BAZ2B: variants seen among roughly 807,000 people sequenced by gnomAD.
BAZ2B encodes the protein bromodomain adjacent to zinc finger domain protein 2B.
BAZ2B carries 91 observed loss-of-function variants against 246.0 expected under a neutral mutation model. The observed-to-expected ratio is 0.37, with a 90% CI of 0.31 to 0.44. The LOEUF is 0.44. Ranked by LOEUF, BAZ2B falls within the 20% of genes least tolerant of loss-of-function variation. The probability of loss-of-function intolerance (pLI) is 1.00; values close to 1 mark genes in which losing one functional copy is unlikely to be tolerated. For missense variants in BAZ2B, 2,332 were observed against 2,533.7 expected (o/e 0.92, Z 1.71); for synonymous variants, 855 against 860.0 (o/e 0.99, Z 0.10).
At chr2:159,424,889 C>T (rs538482451) in intron 13 of BAZ2B, among the ~76,000 whole-genome samples, 2 of 152,278 alleles carry the variant, frequency 1.3e-5, no homozygotes, top group South Asian at 2.1e-4. Context: ...AATGTCTGTA[C>T]ATGTTGACTA....
At chr2:159,702,625 C>G in the BAZ2B span, among the ~76,000 whole-genome samples, 3 of 151,778 alleles carry the variant, frequency 2.0e-5, no homozygotes, top group East Asian at 3.9e-4. Context: ...TAATGCAAAA[C>G]AGTCATATCA....
chr2:159,628,908 G>T, the BAZ2B span, among the ~76,000 whole-genome samples: 1 of 152,142 alleles, frequency 6.6e-6, no homozygotes, highest in African/African-American at 2.4e-5. Context: ...GAAAATTTTT[G>T]CAATCTATCC....
chr2:159,460,662 ATAACT>A (rs2076302280), intron 3 of BAZ2B: 1 of 152,132 alleles, frequency 6.6e-6, no homozygotes, highest in South Asian at 2.1e-4. Context: ...AATATCAGTA[ATAACT>A]TAGTGTAATA....
the BAZ2B span, among the ~76,000 whole-genome samples, chr2:159,699,697 T>C: frequency 1.3e-5 from 2 of 152,244 alleles, no homozygotes; most frequent in Admixed American, 1.3e-4. Context: ...TACTTCTTTC[T>C]ACCCATCTGA....
chr2:159,429,043 C>A (rs528066103), intron 11 of BAZ2B, among the ~76,000 whole-genome samples, 157 bp downstream of exon 11: 7 of 152,164 alleles, frequency 4.6e-5, no homozygotes, highest in African/African-American at 1.7e-4. Flanking sequence ...TCTGATATAC[C>A]AAATTCCTTG....
chr2:159,495,514 A>G (rs1401833984), intron 2 of BAZ2B, among the ~76,000 whole-genome samples: 1 of 149,372 alleles, frequency 6.7e-6, no homozygotes, highest in African/African-American at 2.4e-5. Flanking sequence ...AAAAAAAAAA[A>G]AATTTAATAT....
chr2:159,331,173 T>A (rs1018557798), intron 34 of BAZ2B, among the ~76,000 whole-genome samples: 8 of 151,860 alleles, frequency 5.3e-5, no homozygotes, highest in Non-Finnish European at 1.2e-4. Flanking sequence ...TAGTTAGGAG[T>A]TCATGGCAAC....
chr2:159,612,376 CTTAA>C (rs1578953511), intron 1 of BAZ2B, among the ~76,000 whole-genome samples: 1 of 152,094 alleles, frequency 6.6e-6, no homozygotes, highest in Non-Finnish European at 1.5e-5. Context: ...AACTAGGTAA[CTTAA>C]TTAATCCCCC....
chr2:159,456,979 G>A (rs1211759230), intron 3 of BAZ2B, among the ~76,000 whole-genome samples: 2 of 152,156 alleles, frequency 1.3e-5, no homozygotes, highest in Non-Finnish European at 2.9e-5. Flanking sequence ...TTAGAACTCA[G>A]TGATATTTTT....
chr2:159,384,353 T>C lies in BAZ2B; in HGVS notation c.3687-673A>G, dbSNP rs138647375. The stretch of plus-strand genomic sequence containing the variant: ...GTGAATATTATTATATTTTTTAGGA[T>C]GACTGTCAGTGAATAGCAGAAACAA... On this transcript the variant is annotated intron_variant, in intron 23 of 36. Transcript: ENST00000392783. Among the ~76,000 whole-genome samples the C allele has an allele frequency of 2.7e-3, 417 of 152,172 alleles. 4 individuals are homozygous for C. Among genetic ancestry groups the C allele is most frequent in the African/African-American group, 9.6e-3 (401 of 41,560 alleles).
intron 2 of BAZ2B, chr2:159,536,433 TAAATA>T (rs1323255029): frequency 6.6e-6 from 1 of 152,208 alleles, no homozygotes; most frequent in East Asian, 1.9e-4. Flanking sequence ...TTTCTAATAA[TAAATA>T]AAATAAGAGT....
At chr2:159,315,348 GT>G (rs1337992898), downstream of BAZ2B, among the ~76,000 whole-genome samples, 3 of 152,180 alleles carry the variant, frequency 2.0e-5, no homozygotes, top group East Asian at 5.8e-4. Context: ...TTATCTCATA[GT>G]TTTTGTGGGT....
At chr2:159,654,021 AAAC>A in the BAZ2B span, among the ~76,000 whole-genome samples, 1 of 152,216 alleles carries the variant, frequency 6.6e-6, no homozygotes, top group Non-Finnish European at 1.5e-5. Flanking sequence ...CAGGAGCTTT[AAAC>A]AACAATAAGC....
At chr2:159,431,930 G>T (rs976865094) in intron 9 of BAZ2B, among the ~76,000 whole-genome samples, 2 of 152,038 alleles carry the variant, frequency 1.3e-5, no homozygotes, top group African/African-American at 4.8e-5. Context: ...AGTTAGTTTT[G>T]AAAGTTATGA....
the BAZ2B span, among the ~76,000 whole-genome samples, chr2:159,654,928 G>A: frequency 1.3e-5 from 2 of 152,158 alleles, no homozygotes; most frequent in Non-Finnish European, 2.9e-5. Flanking sequence ...AAAAAGACAT[G>A]TAAAATAGCA....
the BAZ2B span, among the ~76,000 whole-genome samples, chr2:159,705,810 T>C: frequency 6.6e-6 from 1 of 152,080 alleles, no homozygotes; most frequent in Non-Finnish European, 1.5e-5. Flanking sequence ...AAAGAAATCA[T>C]TGACACATTT....
chr2:159,648,943 A>G, the BAZ2B span, among the ~76,000 whole-genome samples: 1 of 152,186 alleles, frequency 6.6e-6, no homozygotes, highest in East Asian at 1.9e-4. Flanking sequence ...CCAACAGTGA[A>G]TAAGTACTCC....
the BAZ2B span, among the ~76,000 whole-genome samples, chr2:159,679,970 G>C: frequency 0.38 from 57,879 of 152,160 alleles, 13,213 homozygotes; most frequent in Middle Eastern, 0.6. Flanking sequence ...GATGAATTTT[G>C]TATCTCTGGC....
chr2:159,547,261 TA>T (rs1331378002), intron 2 of BAZ2B, among the ~76,000 whole-genome samples: 1 of 152,194 alleles, frequency 6.6e-6, no homozygotes, highest in Non-Finnish European at 1.5e-5. Context: ...TGTAATGTTT[TA>T]AAAATGCATT....
Sources: allele counts gnomAD v4.1 joint callset (sites outside exome capture counted in the v4.1 genomes callset), GRCh38; gene constraint gnomAD v4.1.1; transcripts MANE v1.5; gene names NCBI Gene and HGNC (gene_info 2026-07-23, HGNC 2026-07-21).